The following SGPP2 variants were observed in gnomAD, a reference collection of about 807,000 sequenced individuals.
SGPP2 encodes the protein sphingosine 1-phosphate phosphohydrolase 2.
In SGPP2, 30 loss-of-function variants were observed where a neutral mutation model predicts 33.9. The ratio of observed to expected loss-of-function variants is 0.89; its 90% CI spans 0.66 to 1.20. The LOEUF (loss-of-function observed/expected upper bound fraction) is 1.20. SGPP2 is among the 50% of genes most tolerant of loss of function. The pLI, the probability that SGPP2 is intolerant of heterozygous loss-of-function variation, is 0.00. For missense variants in SGPP2, 458 were observed against 532.1 expected (o/e 0.86, Z 1.37); for synonymous variants, 233 against 225.0 (o/e 1.04, Z -0.32).
Position 222,558,778 on chromosome 2 carries a change from C to A in SGPP2, c.1080C>A (p.Asn360Lys). The A allele has an allele frequency of 6.2e-7, 1 of 1,614,144 alleles. No individual in the cohort carries two copies. Among genetic ancestry groups the A allele is most frequent in the Non-Finnish European group, 8.5e-7 (1 of 1,180,030 alleles). Residue 360 changes from asparagine to lysine, a missense_variant, in exon 5 of 5, where the codon AAC (asparagine) becomes AAA (lysine). Transcript: ENST00000321276. The stretch of plus-strand genomic sequence containing the variant: ...CATGGTTCAAGGTGGTCACCAGGAA[C>A]AAGGAGGCCAGGCGGAGACTGGAGA... ...LYSWFKVVTR[N>K]KEARRRLEIE...
intron 1 of SGPP2, among the ~76,000 whole-genome samples, chr2:222,473,401 G>T (rs373959538): frequency 6.6e-6 from 1 of 152,058 alleles, no homozygotes; most frequent in Non-Finnish European, 1.5e-5. Context: ...TCTTCAAATC[G>T]TTCTCTGACT....
At chr2:222,470,582 T>C (rs1311462420) in intron 1 of SGPP2, among the ~76,000 whole-genome samples, 4 of 152,220 alleles carry the variant, frequency 2.6e-5, no homozygotes, top group Admixed American at 2.0e-4. Context: ...CTAAAGCAGT[T>C]TGCTATCACT....
In SGPP2 at chr2:222,434,975, T is replaced by TATACAC. The variant is rs1235621885; in HGVS notation, c.219+10155_219+10156insTACACA. Among the ~76,000 whole-genome samples, 104 of 146,086 alleles carry TATACAC rather than the reference T, an allele frequency of 7.1e-4. 2 individuals are homozygous for TATACAC. In the South Asian group the frequency reaches 0.011, roughly 16 times the overall value. On this transcript the variant is annotated intron_variant, in intron 1 of 4. Coordinates refer to ENST00000321276, the MANE Select transcript of SGPP2 (RefSeq NM_152386.4). ...ACAGACCTAACAGAATGGAGATATA[T>TATACAC]ACACACACACACACACACACACACA...
chr2:222,469,431 C>T lies in SGPP2; in HGVS notation c.220-5137C>T, dbSNP rs192022906. 1.7e-3 allele frequency among the ~76,000 whole-genome samples: 263 copies of T among 152,326 alleles called. 4 individuals are homozygous for T. The East Asian group carries it at 0.036, about 21-fold the overall frequency. On this transcript the variant is annotated intron_variant, in intron 1 of 4. Transcript: ENST00000321276. ...AACTCCTGACCTCGTGATCTACCTGCCTCGGACTCCCAAAGTGCTGGGATT... is the reference window on the plus strand; with the variant it reads ...AACTCCTGACCTCGTGATCTACCTGTCTCGGACTCCCAAAGTGCTGGGATT...
chr2:222,454,713 G>A (rs1697544911), intron 1 of SGPP2, among the ~76,000 whole-genome samples: 1 of 149,688 alleles, frequency 6.7e-6, no homozygotes, highest in African/African-American at 2.5e-5. Context: ...TGAGGCAATT[G>A]GACCAAACAG....
chr2:222,540,825 T>C (rs1698984732), intron 4 of SGPP2, among the ~76,000 whole-genome samples: 1 of 147,962 alleles, frequency 6.8e-6, no homozygotes, highest in Non-Finnish European at 1.5e-5. Flanking sequence ...CTGTTTTTTT[T>C]TTTTTTTTTT....
chr2:222,532,785 A>C (rs1559172117), intron 4 of SGPP2, among the ~76,000 whole-genome samples: 1 of 152,186 alleles, frequency 6.6e-6, no homozygotes, highest in Admixed American at 6.5e-5. Context: ...ATGATGACAC[A>C]GCCCCATTTG....
At chr2:222,437,689 T>A (rs1697265182) in intron 1 of SGPP2, among the ~76,000 whole-genome samples, 1 of 152,172 alleles carries the variant, frequency 6.6e-6, no homozygotes, top group South Asian at 2.1e-4. Context: ...ACTTTATGGC[T>A]AGGTGGGTCA....
intron 1 of SGPP2, among the ~76,000 whole-genome samples, chr2:222,469,969 A>G (rs1455255763): frequency 6.6e-6 from 1 of 152,246 alleles, no homozygotes; most frequent in Non-Finnish European, 1.5e-5. Flanking sequence ...TTGCAGGGAC[A>G]TGGATGAAGC....
chr2:222,535,147 C>CAA (rs2106144263), intron 4 of SGPP2, among the ~76,000 whole-genome samples: 1 of 149,666 alleles, frequency 6.7e-6, no homozygotes, highest in Non-Finnish European at 1.5e-5. Flanking sequence ...GAGGCAAAGG[C>CAA]GGGCAGATCA....
Position 222,514,141 on chromosome 2 carries a change from G to A in SGPP2, c.379-7626G>A, listed in dbSNP as rs1325738596. On this transcript the variant is annotated intron_variant, in intron 2 of 4. Coordinates refer to ENST00000321276, the MANE Select transcript of SGPP2 (RefSeq NM_152386.4). ...ATAATAAAAATAACTTTTAAAATAA[G>A]TATATGTTGTAACATGTCTACACTA... Among the ~76,000 whole-genome samples, 5 of 152,076 alleles carry A rather than the reference G, an allele frequency of 3.3e-5. 1 individual carries two copies. The highest frequency in any genetic ancestry group is 9.7e-5 in the African/African-American group (4 of 41,402).
chr2:222,474,962 TAATG>T (rs1219940342), intron 2 of SGPP2, among the ~76,000 whole-genome samples: 5 of 152,298 alleles, frequency 3.3e-5, no homozygotes, highest in East Asian at 3.9e-4. Context: ...GGTTGTCCTT[TAATG>T]ATGCCTACAT....
intron 1 of SGPP2, among the ~76,000 whole-genome samples, chr2:222,428,747 G>T (rs1697108182): frequency 6.7e-6 from 1 of 149,938 alleles, no homozygotes; most frequent in African/African-American, 2.5e-5. Context: ...TGTCCCATCT[G>T]CAGAATGAGC....
At chr2:222,478,269 G>GTGTA (rs1697979603) in intron 2 of SGPP2, among the ~76,000 whole-genome samples, 1 of 34,144 alleles carries the variant, frequency 2.9e-5, no homozygotes, top group Non-Finnish European at 1.2e-4. Context: ...GCATGCATTT[G>GTGTA]TGTGTGTGTG....
At position 222,458,207 on chromosome 2, in the gene SGPP2, C is replaced by A. The variant is rs1435047707; in HGVS notation, c.220-16361C>A. Among the ~76,000 whole-genome samples, 3 of 146,202 alleles carry A rather than the reference C, an allele frequency of 2.1e-5. No individual in the cohort carries two copies. In the East Asian group the frequency reaches 6.1e-4, roughly 30 times the overall value. ...GGAACTACAGGCAAGTGCCACCATG[C>A]CTAGCTATTTTTTTTTTTTTAATTT... is the stretch of plus-strand genomic sequence containing the variant. On this transcript the variant is annotated intron_variant, in intron 1 of 4. Coordinates refer to ENST00000321276, the MANE Select transcript of SGPP2 (RefSeq NM_152386.4).
In SGPP2 at chr2:222,424,719, G is replaced by C; in HGVS notation, c.117G>C (p.Thr39=). 6.9e-7 allele frequency: 1 copy of C among 1,439,520 alleles called. No individual in the cohort carries two copies. The highest frequency in any genetic ancestry group is 9.1e-7 in the Non-Finnish European group (1 of 1,098,118). The allele number at this position is 1,439,520 out of a possible 1,614,324, so 89.2% of individuals were successfully genotyped here. ...CCCGGGAGAACGGCGCGGACCCCAC[G>C]GAGCGCGCGGCGCGGGTCCCCGGGG... ...EGPRENGADP[T]ERAARVPGVE... is the part of the protein sequence containing the mutation. The change falls in exon 1 of 5, where the codon ACG becomes ACC. Residue 39 remains threonine, a synonymous_variant. Transcript: ENST00000321276.
intron 2 of SGPP2, among the ~76,000 whole-genome samples, 164 bp downstream of exon 2, chr2:222,474,890 C>T (rs1308280732): frequency 6.6e-6 from 1 of 150,750 alleles, no homozygotes; most frequent in African/African-American, 2.4e-5. Context: ...AAGCAATAGA[C>T]ACAACTTGTG....
intron 1 of SGPP2, chr2:222,452,472 C>T (rs1697506478): frequency 4.8e-6 from 4 of 828,620 alleles, no homozygotes; most frequent in Non-Finnish European, 6.3e-6. Context: ...TACTAAAATA[C>T]CTAGTTGTCT....
At chr2:222,432,272 C>T (rs560776433) in intron 1 of SGPP2, among the ~76,000 whole-genome samples, 2 of 152,304 alleles carry the variant, frequency 1.3e-5, no homozygotes, top group South Asian at 4.1e-4. Context: ...ATGTAGGACT[C>T]ACATGAAATC....
Sources: allele counts gnomAD v4.1 joint callset (sites outside exome capture counted in the v4.1 genomes callset), GRCh38; gene constraint gnomAD v4.1.1; transcripts MANE v1.5; gene names NCBI Gene and HGNC (gene_info 2026-07-23, HGNC 2026-07-21).